MOV10L1: variants seen among roughly 807,000 people sequenced by gnomAD.
The protein encoded by MOV10L1 is RNA helicase Mov10l1.
Under a neutral mutation model 143.8 loss-of-function variants are expected in MOV10L1, and 110 were observed. The ratio of observed to expected loss-of-function variants is 0.76; its 90% confidence interval spans 0.66 to 0.90. The LOEUF (loss-of-function observed/expected upper bound fraction) is 0.90, where lower values mean the gene tolerates loss of function less well. Among genes scored for constraint, MOV10L1 ranks in the 40% least tolerant of loss-of-function variants. The pLI is 0.00. For missense variants in MOV10L1, 1,406 were observed against 1,526.8 expected (o/e 0.92, Z 1.32); for synonymous variants, 593 against 581.1 (o/e 1.02, Z -0.29).
intron 9 of MOV10L1, 30 bp downstream of exon 9, chr22:50,117,381 G>T (rs756782246): frequency 6.2e-7 from 1 of 1,603,348 alleles, no homozygotes; most frequent in Non-Finnish European, 8.5e-7. Context: ...TGTGGCTCTT[G>T]GTCTGGCAGT....
chr22:50,099,095 C>G (rs964931356), intron 2 of MOV10L1, among the ~76,000 whole-genome samples: 22 of 152,172 alleles, frequency 1.4e-4, no homozygotes, highest in African/African-American at 5.3e-4. Flanking sequence ...CATCAGTGTT[C>G]ATAAGGGATT....
At chr22:50,091,269 C>G (rs757588229) in intron 1 of MOV10L1, 1 of 167,320 alleles carries the variant, frequency 6.0e-6, no homozygotes, top group Non-Finnish European at 1.5e-5. Flanking sequence ...GTACTGTAAC[C>G]GTCGCCCCAG....
At chr22:50,119,529 A>G (rs2062277950) in intron 9 of MOV10L1, among the ~76,000 whole-genome samples, 2 of 152,022 alleles carry the variant, frequency 1.3e-5, no homozygotes, top group Admixed American at 1.3e-4. Context: ...TAGGAACCAC[A>G]TTTTGTTAAT....
chr22:50,107,305 A>G (rs146946455), intron 3 of MOV10L1, among the ~76,000 whole-genome samples: 12,380 of 151,156 alleles, frequency 0.082, 597 homozygotes, highest in South Asian at 0.17. Context: ...CTCGTGATCC[A>G]CCCGCCTCGG....
At position 50,145,924 on chromosome 22, in the gene MOV10L1, G is replaced by A. The variant is rs1432538095; in HGVS notation, c.2627+114G>A. 1.3e-5 allele frequency: 19 copies of A among 1,488,144 alleles called. No individual in the cohort carries two copies. The South Asian group carries it at 2.2e-4, about 17-fold the overall frequency. 92.2% of individuals were successfully genotyped at this position (1,488,144 alleles called of 1,614,324 possible). A position where few individuals can be genotyped will look rare whatever the true frequency, so the allele number is the denominator to read the frequency against. The stretch of plus-strand genomic sequence containing the variant: ...CAGAGACTCAGTGCTCAGGGAGGGA[G>A]GCAGGGCTGTGGGCGAGAAAGGCTG... On this transcript the variant is annotated intron_variant, in intron 19 of 26. Transcript: ENST00000262794.
chr22:50,154,095 G>A lies in MOV10L1; in HGVS notation c.3066+877G>A, dbSNP rs11914077. On this transcript the variant is annotated intron_variant, in intron 22 of 26. Transcript: ENST00000262794. ...TGGTGGGATGGGATATGTGTATGGC[G>A]GCTGTGAGGTTCTCACATTTGGAAA... 7.2e-3 allele frequency among the ~76,000 whole-genome samples: 1,090 copies of A among 152,294 alleles called. 13 individuals are homozygous for A. The highest frequency in any genetic ancestry group is 0.025 in the African/African-American group (1,033 of 41,550).
intron 15 of MOV10L1, among the ~76,000 whole-genome samples, chr22:50,137,001 C>CAA (rs2062838409): frequency 6.6e-6 from 1 of 152,112 alleles, no homozygotes; most frequent in Non-Finnish European, 1.5e-5. Flanking sequence ...CCCAGACTGA[C>CAA]AAAGTATGAT....
chr22:50,144,803 G>T (rs6010191), intron 18 of MOV10L1, among the ~76,000 whole-genome samples: 1 of 151,898 alleles, frequency 6.6e-6, no homozygotes, highest in African/African-American at 2.4e-5. Context: ...GGATGGTCTC[G>T]ATCTCCTGAC....
Position 50,136,255 on chromosome 22 carries a change from G to T in MOV10L1, c.2070+1625G>T, listed in dbSNP as rs530422020. Among the ~76,000 whole-genome samples, 84 of 152,132 alleles carry T rather than the reference G, an allele frequency of 5.5e-4. 1 individual carries two copies. Among genetic ancestry groups the T allele is most frequent in the African/African-American group, 2.0e-3 (84 of 41,476 alleles). ...TGGTTCATTCTACTGCCTGATTCTC[G>T]GGGAGAGTCTGTGGTGCAGATGGCA... On this transcript the variant is annotated intron_variant, in intron 15 of 26. Coordinates refer to ENST00000262794, the MANE Select transcript of MOV10L1 (RefSeq NM_018995.3).
chr22:50,103,000 G>A (rs1011217738), intron 3 of MOV10L1, among the ~76,000 whole-genome samples: 7 of 152,238 alleles, frequency 4.6e-5, no homozygotes, highest in East Asian at 1.9e-4. Flanking sequence ...TCCTTCCTGC[G>A]TGTAGCCTTG....
intron 8 of MOV10L1, among the ~76,000 whole-genome samples, chr22:50,116,657 T>C (rs990218247): frequency 3.5e-5 from 5 of 141,712 alleles, no homozygotes; most frequent in African/African-American, 1.3e-4. Flanking sequence ...TTGTAGATGC[T>C]TACTTTTTTT....
At chr22:50,141,277 C>G (rs1418075495) in intron 15 of MOV10L1, among the ~76,000 whole-genome samples, 5 of 151,978 alleles carry the variant, frequency 3.3e-5, no homozygotes, top group Non-Finnish European at 7.4e-5. Flanking sequence ...ACCTTGTGAT[C>G]TGCCCGCCTC....
rs2063495943 is a variant in MOV10L1 at position 50,159,158 on chromosome 22, T to G, written c.3217-520T>G. On this transcript the variant is annotated intron_variant, in intron 23 of 26. Coordinates refer to ENST00000262794, the MANE Select transcript of MOV10L1 (RefSeq NM_018995.3). This position sits in a 1 kb window ranked among gnomAD's most constrained non-coding sequence, Gnocchi z 4.1. ...GAGGATTTTCCACATGAAACTTGGC[T>G]TTCCTAGTAAGCATTGTCCCCCGTC... is the stretch of plus-strand genomic sequence containing the variant. 6.6e-6 allele frequency: 1 copy of G among 152,232 alleles called. No individual in the cohort carries two copies. The highest frequency in any genetic ancestry group is 1.5e-5 in the Non-Finnish European group (1 of 68,048). 9.4% of individuals were successfully genotyped at this position (152,232 alleles called of 1,614,324 possible).
chr22:50,122,011 A>C (rs2062360439), intron 10 of MOV10L1, among the ~76,000 whole-genome samples: 1 of 152,164 alleles, frequency 6.6e-6, no homozygotes, highest in Non-Finnish European at 1.5e-5. Flanking sequence ...GCTGGTCTCA[A>C]ACTCCTGGCC....
chr22:50,105,406 A>G (rs1256759877), intron 3 of MOV10L1, among the ~76,000 whole-genome samples: 1 of 152,204 alleles, frequency 6.6e-6, no homozygotes, highest in African/African-American at 2.4e-5. Context: ...CAGTTTAAGA[A>G]AGGGCTTCAT....
chr22:50,153,474 G>T (rs1306181432), intron 22 of MOV10L1, among the ~76,000 whole-genome samples: 1 of 152,242 alleles, frequency 6.6e-6, no homozygotes, highest in African/African-American at 2.4e-5. Context: ...CAAGCACTGG[G>T]CTCCAAGAGA....
At chr22:50,150,291 A>C (rs1358971568) in intron 20 of MOV10L1, among the ~76,000 whole-genome samples, 2 of 152,106 alleles carry the variant, frequency 1.3e-5, no homozygotes, top group Non-Finnish European at 2.9e-5. Flanking sequence ...GCGGAGCATG[A>C]AGGTGACGCC....
chr22:50,142,066 C>T lies in MOV10L1; in HGVS notation c.2071-15C>T, dbSNP rs766104838. ...GCTGTTTTTTTAAAACATTTTTCTGCCTGATAATTTCTAGAATAGGAAAAC... is the reference window on the plus strand; with the variant it reads ...GCTGTTTTTTTAAAACATTTTTCTGTCTGATAATTTCTAGAATAGGAAAAC... On this transcript the variant is annotated splice_polypyrimidine_tract_variant and intron_variant, in intron 15 of 26. Transcript: ENST00000262794. 2 of 1,600,734 alleles carry T rather than the reference C, an allele frequency of 1.2e-6. No homozygotes were observed. Among genetic ancestry groups the T allele is most frequent in the Non-Finnish European group, 8.5e-7 (1 of 1,174,436 alleles).
At chr22:50,151,032 T>C (rs911999570) in intron 21 of MOV10L1, 133 bp downstream of exon 21, 43 of 1,099,846 alleles carry the variant, frequency 3.9e-5, no homozygotes, top group African/African-American at 9.3e-5. Flanking sequence ...GCACCCACCA[T>C]AGCACCTCCC....
Sources: gnomAD v4.1 joint callset for allele counts (sites outside exome capture counted in the v4.1 genomes callset) on GRCh38, gnomAD v4.1.1 for gene constraint, Gnocchi (gnomAD v3.1) non-coding constraint, MANE v1.5 for transcripts, NCBI Gene and HGNC (gene_info 2026-07-23, HGNC 2026-07-21) for gene names.